Variants in ABCC12 observed in about 807,000 individuals in gnomAD.
ABCC12 encodes the protein ATP binding cassette subfamily C member 12, also known as ATP-binding cassette sub-family C member 12.
In ABCC12, 142 loss-of-function variants were observed where a neutral mutation model predicts 151.1. The observed-to-expected ratio is 0.94, with a 90% CI of 0.82 to 1.08. The LOEUF is 1.08. Among genes scored for constraint, ABCC12 ranks in the 50% least tolerant of loss-of-function variants. The pLI is 0.00. For missense variants in ABCC12, 1,638 were observed against 1,691.1 expected, an observed-to-expected ratio of 0.97 and a Z score of 0.55; for synonymous variants, 645 against 646.4, an observed-to-expected ratio of 1.00 and a Z score of 0.03.
intron 20 of ABCC12, among the ~76,000 whole-genome samples, chr16:48,105,779 G>A (rs1374641201): frequency 6.6e-6 from 1 of 152,254 alleles, no homozygotes; most frequent in East Asian, 1.9e-4. Context: ...TCAGCTGTGT[G>A]GCAGCAGCCA....
intron 14 of ABCC12, among the ~76,000 whole-genome samples, chr16:48,116,791 G>A (rs1963898635): frequency 6.6e-6 from 1 of 152,180 alleles, no homozygotes; most frequent in Non-Finnish European, 1.5e-5. Flanking sequence ...ATGGCAAGGT[G>A]ACTCCCCTGG....
At chr16:48,089,102 C>T (rs1004855277) in intron 25 of ABCC12, among the ~76,000 whole-genome samples, 1 of 152,138 alleles carries the variant, frequency 6.6e-6, no homozygotes, top group Non-Finnish European at 1.5e-5. Flanking sequence ...AGTCCAGAGC[C>T]CTCCAGGTTG....
intron 8 of ABCC12, among the ~76,000 whole-genome samples, 180 bp from the exon 9 acceptor site, chr16:48,134,015 G>A (rs999414089): frequency 2.0e-5 from 3 of 152,110 alleles, no homozygotes; most frequent in African/African-American, 2.4e-5. Flanking sequence ...CTCACAGCTC[G>A]GTACCTGTCA....
At position 48,105,265 on chromosome 16, in the gene ABCC12, A is replaced by G. The variant is rs540824372; in HGVS notation, c.2547T>C (p.His849=). The G allele has an allele frequency of 1.2e-6, 2 of 1,614,072 alleles. No individual in the cohort carries two copies. Among genetic ancestry groups the G allele is most frequent in the Admixed American group, 3.3e-5 (2 of 60,022 alleles). ...VGAVLADIGQ[H]VYQWVYTASM... is the part of the protein sequence containing the mutation. ...TTGCAGTGTACACCCACTGGTACAC[A>G]TGCTGACCGATGTCTGCCAGCACCG... Residue 849 remains histidine (H), a synonymous_variant, in exon 21 of 31, where the codon CAT becomes CAC. Coordinates refer to ENST00000311303, the MANE Select transcript of ABCC12 (RefSeq NM_001393797.1).
intron 7 of ABCC12, 33 bp downstream of exon 7, chr16:48,139,130 A>G: frequency 6.5e-7 from 1 of 1,548,816 alleles, no homozygotes; most frequent in South Asian, 1.2e-5. Flanking sequence ...ATGCAAATAC[A>G]AAGCAGTTAG....
intron 23 of ABCC12, among the ~76,000 whole-genome samples, chr16:48,100,459 T>A (rs748024524): frequency 6.6e-6 from 1 of 151,904 alleles, no homozygotes; most frequent in African/African-American, 2.4e-5. Context: ...TAAGAAATGA[T>A]TATAAATAAG....
intron 2 of ABCC12, 23 bp downstream of exon 2, chr16:48,153,593 C>T (rs1965144626): frequency 6.6e-6 from 1 of 152,224 alleles, no homozygotes; most frequent in South Asian, 2.1e-4. Flanking sequence ...AGGTGGAACT[C>T]ATTGTCAGTG....
Position 48,124,211 on chromosome 16 carries a change from AC to A in ABCC12, c.1587+1del, listed in dbSNP as rs1567453260. ...CTTCACAGCACTCATCACACAGCTT[AC>A]CTGTCCTAGGAGAGCTGCAAGGAGG... On this transcript the variant is annotated splice_donor_variant, in intron 12 of 30. Transcript: ENST00000311303. LOFTEE classifies it high-confidence loss of function. 1 of 1,613,770 alleles carries A rather than the reference AC, an allele frequency of 6.2e-7. No individual in the cohort carries two copies. Among genetic ancestry groups the A allele is most frequent in the Non-Finnish European group, 8.5e-7 (1 of 1,179,654 alleles).
chr16:48,128,660 A>C lies in ABCC12; in HGVS notation c.1314T>G (p.Asn438Lys). 2 of 1,614,172 alleles carry C rather than the reference A, an allele frequency of 1.2e-6. No individual in the cohort carries two copies. Among genetic ancestry groups the C allele is most frequent in the Non-Finnish European group, 1.7e-6 (2 of 1,180,024 alleles). ...CTTCATGCTCCCATGTCAAGGTGGC[A>C]TTTGCTAAAAGCAAGACAGTATCTG... is the stretch of plus-strand genomic sequence containing the variant. ...EDPDTVLLLA[N>K]ATLTWEHEAS... The change falls in exon 11 of 31, where the codon AAT becomes AAG. Residue 438 changes from asparagine (N) to lysine (K), a missense_variant. Physicochemically the swap from Asn to Lys is moderately conservative, Grantham distance 94. Transcript: ENST00000311303.
At position 48,133,689 on chromosome 16, in the gene ABCC12, C is replaced by G. The variant is rs369910472; in HGVS notation, c.1126G>C (p.Val376Leu). 3.1e-6 allele frequency: 5 copies of G among 1,613,448 alleles called. No homozygotes were observed. Among genetic ancestry groups the G allele is most frequent in the Non-Finnish European group, 4.2e-6 (5 of 1,179,862 alleles). Residue 376 changes from valine to leucine, a missense_variant and splice_region_variant, in exon 9 of 31, where the codon GTG (valine) becomes CTG (leucine). Coordinates refer to ENST00000311303, the MANE Select transcript of ABCC12 (RefSeq NM_001393797.1). Reference sequence around the variant, plus strand: ...CTCGATCTGGAGCCAGCTCTTACCACGGGTGCGGTGAGTTTGCGTCTCAGG... The same window carrying G: ...CTCGATCTGGAGCCAGCTCTTACCAGGGGTGCGGTGAGTTTGCGTCTCAGG... Reference protein sequence around the residue: ...ILLRRKLTAPVAFSVIAMFNV... With the variant: ...ILLRRKLTAPLAFSVIAMFNV...
chr16:48,155,548 A>G (rs568124844), intron 1 of ABCC12, among the ~76,000 whole-genome samples: 3 of 152,150 alleles, frequency 2.0e-5, no homozygotes, highest in Non-Finnish European at 4.4e-5. Context: ...AAAATATTCA[A>G]TGTAGGCTTT....
At chr16:48,155,443 C>CT (rs947693158) in intron 1 of ABCC12, among the ~76,000 whole-genome samples, 27 of 149,042 alleles carry the variant, frequency 1.8e-4, no homozygotes, top group East Asian at 5.9e-4. Context: ...CTTTCCAGGT[C>CT]TTTTTTTTTG....
Position 48,091,069 on chromosome 16 carries a change from A to C in ABCC12, c.3285+51T>G, listed in dbSNP as rs1054919082. The C allele has an allele frequency of 5.1e-6, 8 of 1,568,262 alleles. No individual in the cohort carries two copies. In the African/African-American group the frequency reaches 5.4e-5, roughly 11 times the overall value. On this transcript the variant is annotated intron_variant, in intron 25 of 30. Transcript: ENST00000311303. ...TCTAAAAAGATCCAGTATTTGCCCA[A>C]GTCCTGCCAAAATTAACTTGTCCCT... is the stretch of plus-strand genomic sequence containing the variant.
Position 48,116,382 on chromosome 16 carries a change from G to A in ABCC12, c.1786-764C>T, listed in dbSNP as rs531201662. ...CAGCAGCAAGCAGAATTTCACAAGC[G>A]CCTGCTGAAGAGCATCAGTAGAGTA... On this transcript the variant is annotated intron_variant, in intron 14 of 30. Coordinates refer to ENST00000311303, the MANE Select transcript of ABCC12 (RefSeq NM_001393797.1). Among the ~76,000 whole-genome samples the A allele has an allele frequency of 4.6e-5, 7 of 152,302 alleles. No individual in the cohort carries two copies. The East Asian group carries it at 5.8e-4, about 13-fold the overall frequency.
rs1962634926 is a variant in ABCC12, at chr16:48,086,902, T to A, written c.3636-83A>T. ...TGCGGAGCAGGTTTTCTGTAGCATG[T>A]GGAGGAGGGTAGGAGGTGGCATGTG... On this transcript the variant is annotated intron_variant, in intron 27 of 30. Coordinates refer to ENST00000311303, the MANE Select transcript of ABCC12 (RefSeq NM_001393797.1). 6.9e-6 allele frequency: 8 copies of A among 1,163,986 alleles called. No individual in the cohort carries two copies. In the East Asian group the frequency reaches 1.9e-4, roughly 27 times the overall value. 72.1% of individuals were successfully genotyped at this position (1,163,986 alleles called of 1,614,324 possible). A position where few individuals can be genotyped will look rare whatever the true frequency, so the allele number is the denominator to read the frequency against.
intron 24 of ABCC12, among the ~76,000 whole-genome samples, chr16:48,092,107 C>T (rs961864624): frequency 6.6e-6 from 1 of 152,196 alleles, no homozygotes; most frequent in Admixed American, 6.5e-5. Flanking sequence ...CCCGAGCCTC[C>T]GGAGGGAAGC....
At position 48,124,293 on chromosome 16, in the gene ABCC12, G is replaced by T; in HGVS notation, c.1516-9C>A. The T allele has an allele frequency of 1.4e-5, 23 of 1,613,776 alleles. No individual in the cohort carries two copies. Among genetic ancestry groups the T allele is most frequent in the Non-Finnish European group, 1.9e-5 (23 of 1,179,684 alleles). On this transcript the variant is annotated splice_polypyrimidine_tract_variant and intron_variant, in intron 11 of 30. Coordinates refer to ENST00000311303, the MANE Select transcript of ABCC12 (RefSeq NM_001393797.1). Reference sequence around the variant, plus strand: ...ATTCCCAAGATCTTCCCCTGCCAGAGAAACAGAGATGGGACACAGTCACTC... The same window carrying T: ...ATTCCCAAGATCTTCCCCTGCCAGATAAACAGAGATGGGACACAGTCACTC...
At position 48,133,700 on chromosome 16, in the gene ABCC12, A is replaced by G; in HGVS notation, c.1115T>C (p.Leu372Pro). The change falls in exon 9 of 31, where the codon CTC becomes CCC. Residue 372 changes from leucine (L) to proline (P), a missense_variant. Coordinates refer to ENST00000311303, the MANE Select transcript of ABCC12 (RefSeq NM_001393797.1). ...LSCHILLRRK[L>P]TAPVAFSVIA... ...GCCAGCTCTTACCACGGGTGCGGTG[A>G]GTTTGCGTCTCAGGAGGATGTGGCA... The G allele has an allele frequency of 1.2e-6, 2 of 1,613,864 alleles. No individual in the cohort carries two copies. Among genetic ancestry groups the G allele is most frequent in the Non-Finnish European group, 8.5e-7 (1 of 1,179,962 alleles).
intron 20 of ABCC12, among the ~76,000 whole-genome samples, chr16:48,105,831 G>C (rs1963475081): frequency 6.6e-6 from 1 of 152,160 alleles, no homozygotes; most frequent in Non-Finnish European, 1.5e-5. Flanking sequence ...CTGTATGATG[G>C]GCCAGCTCCA....
Sources: gnomAD v4.1 joint callset for allele counts (sites outside exome capture counted in the v4.1 genomes callset) on GRCh38, gnomAD v4.1.1 for gene constraint, MANE v1.5 for transcripts, NCBI Gene and HGNC (gene_info 2026-07-23, HGNC 2026-07-21) for gene names.